Variants in MOCS2 observed in about 807,000 individuals in gnomAD.
The protein encoded by MOCS2 is molybdopterin synthase catalytic subunit.
Under a neutral mutation model 21.9 loss-of-function variants are expected in MOCS2, and 13 were observed. The ratio of observed to expected loss-of-function variants is 0.59; its 90% CI spans 0.39 to 0.94. The LOEUF is 0.94. Ranked by LOEUF, MOCS2 falls within the 40% of genes least tolerant of loss-of-function variation. MOCS2 has a pLI of 0.00. For synonymous variants in MOCS2, 92 were observed against 80.8 expected (o/e 1.14, Z -0.74); for missense variants, 227 against 218.3 (o/e 1.04, Z -0.25).
At chr5:53,105,356 T>A (rs532027906) in intron 3 of MOCS2, among the ~76,000 whole-genome samples, 1 of 152,074 alleles carries the variant, frequency 6.6e-6, no homozygotes, top group Admixed American at 6.6e-5. Context: ...CAAAACAGCA[T>A]GGGACTGGTA....
intron 1 of MOCS2, 21 bp from the exon 2 acceptor site, chr5:53,108,664 T>C (rs1435621984): frequency 6.2e-7 from 1 of 1,610,470 alleles, no homozygotes; most frequent in Admixed American, 1.7e-5. Flanking sequence ...AGAAAATGCT[T>C]TTAATAACAA....
In MOCS2 at chr5:53,096,013, T is replaced by C. The variant is rs372666397; in HGVS notation, c.*2589A>G. 1 of 152,162 alleles carries C rather than the reference T, an allele frequency of 6.6e-6. No homozygotes were observed. Among genetic ancestry groups the C allele is most frequent in the South Asian group, 2.1e-4 (1 of 4,828 alleles). The allele number at this position is 152,162 out of a possible 1,614,324, so 9.4% of individuals were successfully genotyped here. A position where few individuals can be genotyped will look rare whatever the true frequency, so the allele number is the denominator to read the frequency against. On this transcript the variant is annotated 3_prime_UTR_variant, in exon 7 of 7. Coordinates refer to ENST00000396954, the MANE Select transcript of MOCS2 (RefSeq NM_004531.5). ...CACTACAGCCTGACTTTAAAGAAAA[T>C]GGCTACTAAACTGAACTTTTGGTTC...
Position 53,098,204 on chromosome 5 carries a change from T to G in MOCS2, c.*398A>C. The G allele has an allele frequency of 4.8e-6, 1 of 206,696 alleles. No homozygotes were observed. The allele number at this position is 206,696 out of a possible 1,614,324, so 12.8% of individuals were successfully genotyped here. A position where few individuals can be genotyped will look rare whatever the true frequency, so the allele number is the denominator to read the frequency against. On this transcript the variant is annotated 3_prime_UTR_variant, in exon 7 of 7. Coordinates refer to ENST00000396954, the MANE Select transcript of MOCS2 (RefSeq NM_004531.5). The stretch of plus-strand genomic sequence containing the variant: ...TCCTGTCATGCATCCTTAATAACAA[T>G]GCTCTCCCAGAACCGGGATGGGGGG...
chr5:53,107,257 C>T, intron 2 of MOCS2, 36 bp from the exon 3 acceptor site: 1 of 1,579,240 alleles, frequency 6.3e-7, no homozygotes, highest in African/African-American at 1.3e-5. Context: ...AGTATCAACG[C>T]TATGATAGAC....
At chr5:53,102,257 A>T in intron 3 of MOCS2, 33 bp from the exon 4 acceptor site, 1 of 1,600,318 alleles carries the variant, frequency 6.2e-7, no homozygotes, top group Non-Finnish European at 8.6e-7. Context: ...CCTTAACAGA[A>T]GTCCTAGGGG....
chr5:53,101,729 C>A (rs984260299), intron 4 of MOCS2, among the ~76,000 whole-genome samples: 1 of 152,130 alleles, frequency 6.6e-6, no homozygotes, highest in African/African-American at 2.4e-5. Flanking sequence ...ATTAAGCAAG[C>A]TTACTAAAAA....
At chr5:53,105,208 G>T (rs751359781) in intron 3 of MOCS2, among the ~76,000 whole-genome samples, 2 of 151,914 alleles carry the variant, frequency 1.3e-5, no homozygotes, top group Non-Finnish European at 2.9e-5. Context: ...AAGTGTGGTT[G>T]GAAAAAAGTA....
chr5:53,109,690 C>T lies in MOCS2; in HGVS notation c.-609G>A. ...GAGGAGGGCTCCGCACCCAGGCCCG[C>T]ACGCACACCCGCCACCCTTACCTGG... is the stretch of plus-strand genomic sequence containing the variant. On this transcript the variant is annotated 5_prime_UTR_variant, in exon 1 of 7. Transcript: ENST00000396954. 6.4e-7 allele frequency: 1 copy of T among 1,552,384 alleles called. No individual in the cohort carries two copies. Among genetic ancestry groups the T allele is most frequent in the Non-Finnish European group, 8.7e-7 (1 of 1,147,894 alleles).
chr5:53,105,421 T>C (rs142106793), intron 3 of MOCS2, among the ~76,000 whole-genome samples: 1 of 152,002 alleles, frequency 6.6e-6, no homozygotes, highest in African/African-American at 2.4e-5. Context: ...AAATAAAGCT[T>C]CACACCTACA....
chr5:53,104,939 T>C (rs973483265), intron 3 of MOCS2, among the ~76,000 whole-genome samples: 2 of 152,196 alleles, frequency 1.3e-5, no homozygotes, highest in African/African-American at 4.8e-5. Context: ...TAAGCCTCAT[T>C]CTGTCTGTAC....
chr5:53,107,999 T>A (rs1407658913), intron 2 of MOCS2: 1 of 153,836 alleles, frequency 6.5e-6, no homozygotes, highest in Non-Finnish European at 1.4e-5. Context: ...AAGTCACTTT[T>A]ATATTTTGTT....
rs749876758 is a variant in MOCS2, at chr5:53,107,101, T to C, written c.74A>G (p.Glu25Gly). ...CCTAGATGGCTCAAAAGCACTATCC[T>C]CCACTAATGGGGGGGATAACGGCAA... ...TKLPLSPPLV[E>G]DSAFEPSRKD... is the part of the protein sequence containing the mutation. The change falls in exon 3 of 7, where the codon GAG becomes GGG. Residue 25 changes from glutamate to glycine, a missense_variant. Coordinates refer to ENST00000396954, the MANE Select transcript of MOCS2 (RefSeq NM_004531.5). 45 of 1,613,982 alleles carry C rather than the reference T, an allele frequency of 2.8e-5. No homozygotes were observed. The highest frequency in any genetic ancestry group is 3.3e-4 in the Middle Eastern group (2 of 6,084).
intron 6 of MOCS2, 178 bp from the exon 7 acceptor site, chr5:53,098,845 G>T: frequency 1.6e-6 from 1 of 607,908 alleles, no homozygotes; most frequent in Non-Finnish European, 2.9e-6. Flanking sequence ...AAAGTCTTTA[G>T]TTTTAAACAT....
intron 1 of MOCS2, 139 bp downstream of exon 1, chr5:53,109,112 G>C: frequency 4.8e-6 from 1 of 207,586 alleles, no homozygotes; most frequent in Non-Finnish European, 8.5e-6. Flanking sequence ...CAGACGCTAA[G>C]GATTAAGTTA....
chr5:53,102,348 C>G (rs1740937438), intron 3 of MOCS2, 124 bp from the exon 4 acceptor site: 1 of 948,536 alleles, frequency 1.1e-6, no homozygotes, highest in Admixed American at 2.3e-5. Context: ...GAGGCTGTGG[C>G]ACAAAATATA....
intron 4 of MOCS2, 55 bp from the exon 5 acceptor site, chr5:53,101,564 C>A: frequency 7.9e-7 from 1 of 1,266,772 alleles, no homozygotes; most frequent in Non-Finnish European, 1.1e-6. Flanking sequence ...TTTTTCCCTA[C>A]AAAAGAAATA....
rs551882029 is a variant in MOCS2 at position 53,097,755 on chromosome 5, G to A, written c.*847C>T. ...TTTAAATACATACAATTTTTGTCAA[G>A]TATACCTAAATAAAGCTGGAAAAAA... On this transcript the variant is annotated 3_prime_UTR_variant, in exon 7 of 7. Coordinates refer to ENST00000396954, the MANE Select transcript of MOCS2 (RefSeq NM_004531.5). The A allele has an allele frequency of 6.6e-6, 1 of 152,126 alleles. No individual in the cohort carries two copies. Among genetic ancestry groups the A allele is most frequent in the South Asian group, 2.1e-4 (1 of 4,816 alleles). 9.4% of individuals were successfully genotyped at this position (152,126 alleles called of 1,614,324 possible). A position where few individuals can be genotyped will look rare whatever the true frequency, so the allele number is the denominator to read the frequency against.
In MOCS2 at chr5:53,101,359, C is replaced by G. The variant is rs1433384442; in HGVS notation, c.377G>C (p.Gly126Ala). 42 of 1,613,132 alleles carry G rather than the reference C, an allele frequency of 2.6e-5. No homozygotes were observed. Among genetic ancestry groups the G allele is most frequent in the Non-Finnish European group, 3.6e-5 (42 of 1,179,716 alleles). The change falls in exon 5 of 7, where the codon GGC becomes GCC. Residue 126 changes from glycine (G) to alanine (A), a missense_variant and splice_region_variant. Physicochemically the swap from Gly to Ala is moderately conservative, Grantham distance 60. Transcript: ENST00000396954. ...VKHIAVFHRLGLVPVSEASII... is the reference protein window; with the variant it reads ...VKHIAVFHRLALVPVSEASII... ...TTTAGAGTGATAAAGGAAATCATAC[C>G]CAAGTCTATGGAACACTGCTATGTG...
Position 53,107,212 on chromosome 5 carries a change from A to T in MOCS2, c.-38T>A. On this transcript the variant is annotated 5_prime_UTR_variant, in exon 3 of 7. An upstream start codon of the reference 5' UTR is lost. Transcript: ENST00000396954. ...CAGCAAATATTATCTGATTTCTAACATCAGCCAATCTAAAGGGGAAAAAAT... is the reference window on the plus strand; with the variant it reads ...CAGCAAATATTATCTGATTTCTAACTTCAGCCAATCTAAAGGGGAAAAAAT... 1 of 1,613,330 alleles carries T rather than the reference A, an allele frequency of 6.2e-7. No individual in the cohort carries two copies. The highest frequency in any genetic ancestry group is 8.5e-7 in the Non-Finnish European group (1 of 1,179,682).
Sources: allele counts gnomAD v4.1 joint callset (sites outside exome capture counted in the v4.1 genomes callset), GRCh38; gene constraint gnomAD v4.1.1; transcripts MANE v1.5; gene names NCBI Gene and HGNC (gene_info 2026-07-23, HGNC 2026-07-21).